CDK6: variants seen among roughly 807,000 people sequenced by gnomAD.
CDK6 encodes cyclin-dependent kinase 6.
CDK6 carries 6 observed loss-of-function variants against 37.1 expected under a neutral mutation model. That is an observed-to-expected ratio of 0.16 (90% CI 0.09 to 0.32). The LOEUF is 0.32. Ranked by LOEUF, CDK6 falls within the 10% of genes least tolerant of loss-of-function variation. The pLI is 1.00. For missense variants in CDK6, 224 were observed against 418.9 expected (o/e 0.53, Z 4.06); for synonymous variants, 160 against 161.3 (o/e 0.99, Z 0.06).
At position 92,666,545 on chromosome 7, in the gene CDK6, C is replaced by T. The variant is rs1413087728; in HGVS notation, c.647+4881G>A. On this transcript the variant is annotated intron_variant, in intron 5 of 7. Transcript: ENST00000424848. ...AATGTGTATCAGACAAATAAATAAC[C>T]GGTCAAATCTCTGATTTTTATACAC... Among the ~76,000 whole-genome samples, 7 of 152,086 alleles carry T rather than the reference C, an allele frequency of 4.6e-5. No individual in the cohort carries two copies. In the South Asian group the frequency reaches 8.3e-4, roughly 18 times the overall value.
intron 2 of CDK6, among the ~76,000 whole-genome samples, chr7:92,818,249 T>C (rs1001402625): frequency 2.6e-5 from 4 of 152,012 alleles, no homozygotes; most frequent in African/African-American, 7.2e-5. Context: ...AGGATAGATA[T>C]ATAGATCAAT....
chr7:92,730,305 G>T (rs1375466471), intron 3 of CDK6, among the ~76,000 whole-genome samples: 1 of 152,148 alleles, frequency 6.6e-6, no homozygotes, highest in Non-Finnish European at 1.5e-5. Context: ...GTAAACCTCA[G>T]TCTTTTCAAA....
chr7:92,668,112 A>G (rs900704302), intron 5 of CDK6, among the ~76,000 whole-genome samples: 1 of 152,156 alleles, frequency 6.6e-6, no homozygotes, highest in Non-Finnish European at 1.5e-5. Flanking sequence ...TATTTTTTAT[A>G]CCATATTTCT....
At chr7:92,772,629 C>T (rs1314674457) in intron 3 of CDK6, among the ~76,000 whole-genome samples, 1 of 152,146 alleles carries the variant, frequency 6.6e-6, no homozygotes, top group Non-Finnish European at 1.5e-5. Context: ...CATCCTGGCT[C>T]AGCCACTGCC....
chr7:92,799,865 T>C (rs1375065921), intron 2 of CDK6, among the ~76,000 whole-genome samples: 1 of 152,218 alleles, frequency 6.6e-6, no homozygotes, highest in Non-Finnish European at 1.5e-5. Context: ...ACTTTGACTA[T>C]AACTCTGCCT....
intron 4 of CDK6, among the ~76,000 whole-genome samples, chr7:92,717,366 GA>G (rs1361332411): frequency 7.3e-6 from 1 of 137,212 alleles, no homozygotes; most frequent in Non-Finnish European, 1.6e-5. Context: ...AAAGGAAAGG[GA>G]AAGGGGAAGG....
In CDK6 at chr7:92,777,439, T is replaced by C. The variant is rs113801606; in HGVS notation, c.234-2608A>G. On this transcript the variant is annotated intron_variant, in intron 2 of 7. Transcript: ENST00000424848. ...TTTTATATTTTTAGTAGAGACGGGG[T>C]TACTCCATGTTGGTCAGACTGGTCT... Among the ~76,000 whole-genome samples the C allele has an allele frequency of 6.3e-3, 965 of 152,280 alleles. 10 individuals are homozygous for C. Among genetic ancestry groups the C allele is most frequent in the African/African-American group, 0.022 (903 of 41,562 alleles).
chr7:92,629,245 G>C (rs1795999488), intron 5 of CDK6, among the ~76,000 whole-genome samples: 1 of 152,134 alleles, frequency 6.6e-6, no homozygotes, highest in Non-Finnish European at 1.5e-5. Flanking sequence ...AAGTTAGAGA[G>C]TGTGCTGGCA....
chr7:92,683,249 C>T (rs1797376221), intron 4 of CDK6, among the ~76,000 whole-genome samples: 2 of 152,152 alleles, frequency 1.3e-5, no homozygotes, highest in South Asian at 4.1e-4. Flanking sequence ...CATTATTACT[C>T]AGATTTGTAA....
intron 2 of CDK6, among the ~76,000 whole-genome samples, chr7:92,791,498 G>C (rs1226594131): frequency 2.0e-5 from 3 of 152,198 alleles, no homozygotes; most frequent in South Asian, 2.1e-4. Context: ...ATTGGTACCA[G>C]GCCTCAGACC....
intron 5 of CDK6, among the ~76,000 whole-genome samples, chr7:92,647,110 G>A (rs1162062088): frequency 6.6e-6 from 1 of 152,088 alleles, no homozygotes; most frequent in Non-Finnish European, 1.5e-5. Flanking sequence ...GCTGCAGTAT[G>A]TTCATTCATT....
intron 2 of CDK6, among the ~76,000 whole-genome samples, chr7:92,787,238 A>G (rs1454911523): frequency 6.6e-6 from 1 of 151,796 alleles, no homozygotes. Context: ...CTGGGTGATA[A>G]GATTTTGGAA....
chr7:92,676,511 T>G (rs1797206168), intron 4 of CDK6, among the ~76,000 whole-genome samples: 1 of 152,220 alleles, frequency 6.6e-6, no homozygotes. Flanking sequence ...TATATTTTTC[T>G]ATACTTCATT....
intron 5 of CDK6, among the ~76,000 whole-genome samples, chr7:92,627,851 A>G (rs1425772309): frequency 6.6e-6 from 1 of 152,108 alleles, no homozygotes; most frequent in Non-Finnish European, 1.5e-5. Flanking sequence ...TATATTTCCA[A>G]GCAAACATTA....
At chr7:92,738,893 T>A (rs1798853640) in intron 3 of CDK6, among the ~76,000 whole-genome samples, 1 of 152,144 alleles carries the variant, frequency 6.6e-6, no homozygotes, top group Admixed American at 6.5e-5. Context: ...AAACCCCCAG[T>A]CAGCTTTTGG....
rs1795489861 is a variant in CDK6, at chr7:92,608,732, G to A, written c.*6408C>T. On this transcript the variant is annotated 3_prime_UTR_variant, in exon 8 of 8. Coordinates refer to ENST00000424848, the MANE Select transcript of CDK6 (RefSeq NM_001145306.2). ...GACATTTTTCTTCCTAAGATTTGCA[G>A]AACAGATGCCTCTGAGACAGCAGCA... is the stretch of plus-strand genomic sequence containing the variant. The A allele has an allele frequency of 4.3e-6, 1 of 230,614 alleles. No individual in the cohort carries two copies. The highest frequency in any genetic ancestry group is 8.6e-6 in the Non-Finnish European group (1 of 116,454). 14.3% of individuals were successfully genotyped at this position (230,614 alleles called of 1,614,324 possible).
chr7:92,702,427 T>G (rs767242304), intron 4 of CDK6, among the ~76,000 whole-genome samples: 5 of 151,838 alleles, frequency 3.3e-5, no homozygotes, highest in Non-Finnish European at 7.4e-5. Context: ...AAGACGGGAT[T>G]TCGCCATGTT....
chr7:92,790,656 A>G (rs1019058950), intron 2 of CDK6, among the ~76,000 whole-genome samples: 2 of 152,228 alleles, frequency 1.3e-5, no homozygotes, highest in African/African-American at 4.8e-5. Context: ...ACAGATACAC[A>G]TAAGTGTATA....
intron 5 of CDK6, chr7:92,671,133 T>C (rs756026697): frequency 1.9e-4 from 44 of 226,244 alleles, no homozygotes; most frequent in Non-Finnish European, 2.7e-4. Context: ...TGCGAAAATA[T>C]GTGTTATTTT....
Sources: allele counts gnomAD v4.1 joint callset (sites outside exome capture counted in the v4.1 genomes callset), GRCh38; gene constraint gnomAD v4.1.1; transcripts MANE v1.5; gene names NCBI Gene and HGNC (gene_info 2026-07-23, HGNC 2026-07-21).